The following HAUS8 variants were observed in gnomAD, a reference collection of about 807,000 sequenced individuals.
The protein encoded by HAUS8 is HAUS augmin like complex subunit 8.
In HAUS8, 38 loss-of-function variants were observed where a neutral mutation model predicts 42.9. The observed-to-expected ratio is 0.89, with a 90% CI of 0.68 to 1.16. HAUS8 has a LOEUF of 1.16. Ranked by LOEUF, HAUS8 falls within the 50% of genes most tolerant of loss-of-function variation. HAUS8 has a pLI of 0.00. For missense variants in HAUS8, 494 were observed against 511.6 expected (o/e 0.97, Z 0.33); for synonymous variants, 199 against 205.8 (o/e 0.97, Z 0.28).
chr19:17,060,905 TTG>T (rs751220870), intron 4 of HAUS8, among the ~76,000 whole-genome samples: 42 of 152,212 alleles, frequency 2.8e-4, no homozygotes, highest in Admixed American at 1.4e-3. Context: ...GTACGGTATG[TTG>T]TGTTAGGAAC....
intron 1 of HAUS8, 43 bp from the exon 2 acceptor site, chr19:17,073,378 A>G: frequency 6.3e-7 from 1 of 1,585,610 alleles, no homozygotes; most frequent in Non-Finnish European, 8.7e-7. Context: ...TCACTACCCA[A>G]GAAGCACAGG....
At chr19:17,072,838 G>A (rs578025153) in intron 2 of HAUS8, among the ~76,000 whole-genome samples, 18 of 151,844 alleles carry the variant, frequency 1.2e-4, no homozygotes, top group South Asian at 1.0e-3. Context: ...ATTTTAGGCC[G>A]GGGGCAGTGG....
At chr19:17,068,347 CA>C (rs2057400593) in intron 3 of HAUS8, among the ~76,000 whole-genome samples, 1 of 152,092 alleles carries the variant, frequency 6.6e-6, no homozygotes, top group Admixed American at 6.6e-5. Flanking sequence ...CTCCTAGCCT[CA>C]AGTGATCCGC....
chr19:17,057,350 CAAA>C (rs34546503), intron 8 of HAUS8, among the ~76,000 whole-genome samples: 1 of 146,808 alleles, frequency 6.8e-6, no homozygotes. Flanking sequence ...ACGCCCATCT[CAAA>C]AAAAAAAAAA....
intron 6 of HAUS8, 25 bp from the exon 7 acceptor site, chr19:17,058,901 C>T (rs768648673): frequency 1.3e-6 from 2 of 1,585,750 alleles, no homozygotes; most frequent in South Asian, 1.1e-5. Flanking sequence ...AAGACCCTCT[C>T]AATTCCTGAT....
chr19:17,057,365 T>A (rs1000996019), intron 8 of HAUS8, among the ~76,000 whole-genome samples: 19 of 151,144 alleles, frequency 1.3e-4, no homozygotes, highest in African/African-American at 2.7e-4. Context: ...AAAAAAAAAA[T>A]TTTTTTGTAG....
intron 1 of HAUS8, chr19:17,075,176 C>T: frequency 3.6e-6 from 2 of 550,758 alleles, no homozygotes; most frequent in Non-Finnish European, 6.5e-6. Flanking sequence ...GGTCGCCCAG[C>T]GTCCCAGCCG....
At chr19:17,054,499 AAT>A (rs1407055970) in intron 9 of HAUS8, among the ~76,000 whole-genome samples, 2 of 151,802 alleles carry the variant, frequency 1.3e-5, no homozygotes, top group Non-Finnish European at 2.9e-5. Context: ...TACAAAAAAA[AAT>A]ATAATAATTA....
At chr19:17,070,626 T>A (rs906300138) in intron 2 of HAUS8, among the ~76,000 whole-genome samples, 1 of 152,220 alleles carries the variant, frequency 6.6e-6, no homozygotes, top group Non-Finnish European at 1.5e-5. Context: ...ACAGCATCTG[T>A]CATCATCTAG....
At chr19:17,058,438 G>A (rs764981254) in intron 8 of HAUS8, 111 bp downstream of exon 8, 25 of 1,103,824 alleles carry the variant, frequency 2.3e-5, no homozygotes, top group Middle Eastern at 3.1e-4. Context: ...GCCCAACACA[G>A]TTAGAAGCCA....
chr19:17,069,157 GC>G, intron 2 of HAUS8, 71 bp from the exon 3 acceptor site: 1 of 1,396,758 alleles, frequency 7.2e-7, no homozygotes, highest in Non-Finnish European at 1.0e-6. Flanking sequence ...CAGACCCCAC[GC>G]CCCGGAGACC....
chr19:17,061,678 A>G (rs2057361818), intron 4 of HAUS8, among the ~76,000 whole-genome samples: 1 of 152,156 alleles, frequency 6.6e-6, no homozygotes, highest in Admixed American at 6.5e-5. Flanking sequence ...CAGGATGTTA[A>G]GTGGCCTCCC....
intron 3 of HAUS8, among the ~76,000 whole-genome samples, chr19:17,065,530 T>C (rs2057382398): frequency 6.6e-6 from 1 of 151,968 alleles, no homozygotes; most frequent in East Asian, 1.9e-4. Flanking sequence ...TCATGAAGAC[T>C]CTATAAAAAC....
chr19:17,058,474 T>C (rs1455304214), intron 8 of HAUS8, 75 bp downstream of exon 8: 23 of 1,411,114 alleles, frequency 1.6e-5, no homozygotes, highest in African/African-American at 7.2e-5. Flanking sequence ...CTAGCACGAA[T>C]GCTACCGAAA....
At chr19:17,051,682 T>TTC (rs2057288320) in intron 10 of HAUS8, 1 of 145,162 alleles carries the variant, frequency 6.9e-6, no homozygotes, top group South Asian at 2.3e-4. Context: ...TTTTTTTTTT[T>TTC]CCTGAGACAG....
intron 5 of HAUS8, 72 bp downstream of exon 5, chr19:17,059,925 G>GT: frequency 9.3e-7 from 1 of 1,077,382 alleles, no homozygotes; most frequent in South Asian, 1.3e-5. Context: ...TAGGCCAATT[G>GT]TACTTTGGAA....
Position 17,075,112 on chromosome 19 carries a change from C to T in HAUS8, c.29+282G>A. ...TACGAGGTTGAGCTGCGTCATCGGC[C>T]CCATTTCGTAGCGGAGGAAAGCGAG... On this transcript the variant is annotated intron_variant, in intron 1 of 10. Transcript: ENST00000253669. The T allele has an allele frequency of 5.7e-6, 3 of 524,828 alleles. No homozygotes were observed. In the East Asian group the frequency reaches 9.3e-5, roughly 16 times the overall value. 32.5% of individuals were successfully genotyped at this position (524,828 alleles called of 1,614,324 possible).
chr19:17,069,608 CCAACCCCAGG>C (rs2057409071), intron 2 of HAUS8, among the ~76,000 whole-genome samples: 1 of 48,062 alleles, frequency 2.1e-5, no homozygotes, highest in African/African-American at 7.4e-5. Context: ...TAGTGACAGC[CCAACCCCAGG>C]TCCCCTTCCA....
chr19:17,059,713 AT>A (rs1220761295), intron 5 of HAUS8, 62 bp from the exon 6 acceptor site: 30 of 1,135,420 alleles, frequency 2.6e-5, no homozygotes, highest in African/African-American at 7.8e-5. Context: ...CCTGGTTGCC[AT>A]TTTTTTTCTA....
Sources: allele counts gnomAD v4.1 joint callset (sites outside exome capture counted in the v4.1 genomes callset), GRCh38; gene constraint gnomAD v4.1.1; transcripts MANE v1.5; gene names NCBI Gene and HGNC (gene_info 2026-07-23, HGNC 2026-07-21).